ZNF438: variants seen among roughly 807,000 people sequenced by gnomAD.
The protein encoded by ZNF438 is zinc finger protein 438.
Under a neutral mutation model 38.0 loss-of-function variants are expected in ZNF438, and 25 were observed. The ratio of observed to expected loss-of-function variants is 0.66; its 90% CI spans 0.48 to 0.92. The LOEUF is 0.92. ZNF438 is among the 40% of genes least tolerant of loss of function. The probability of loss-of-function intolerance (pLI) is 0.00; values close to 1 mark genes in which losing one functional copy is unlikely to be tolerated. For missense variants in ZNF438, 1,007 were observed against 999.6 expected (o/e 1.01, Z -0.10); for synonymous variants, 372 against 364.1 (o/e 1.02, Z -0.25).
chr10:31,024,545 G>A (rs968743909), intron 1 of ZNF438, among the ~76,000 whole-genome samples: 21 of 152,048 alleles, frequency 1.4e-4, no homozygotes, highest in African/African-American at 3.9e-4. Flanking sequence ...AGAGAATGGC[G>A]TGAACCCGGG....
At chr10:30,860,002 AT>A (rs1029971550) in intron 4 of ZNF438, among the ~76,000 whole-genome samples, 4 of 151,926 alleles carry the variant, frequency 2.6e-5, no homozygotes, top group Non-Finnish European at 5.9e-5. Context: ...CTGGCCCTTC[AT>A]TTTCCCCCCG....
chr10:30,994,564 A>G (rs2053852779), intron 1 of ZNF438, among the ~76,000 whole-genome samples: 1 of 152,212 alleles, frequency 6.6e-6, no homozygotes, highest in Admixed American at 6.5e-5. Context: ...CCCACCAGCA[A>G]GAAGGCCCTC....
rs773705437 is a variant in ZNF438, at chr10:30,909,566, C to A, written c.-114-551G>T. ...TTAACTTTAATTTTCTTTTCCTACT[C>A]ACTTTTTCATCTTTATCCTGAACCT... On this transcript the variant is annotated intron_variant, in intron 2 of 5. Transcript: ENST00000413025. Among the ~76,000 whole-genome samples the A allele has an allele frequency of 2.0e-5, 3 of 152,178 alleles. 1 individual carries two copies. The highest frequency in any genetic ancestry group is 2.9e-5 in the Non-Finnish European group (2 of 68,024).
chr10:30,922,089 G>A (rs1373276193), intron 2 of ZNF438, among the ~76,000 whole-genome samples: 2 of 152,086 alleles, frequency 1.3e-5, no homozygotes, highest in African/African-American at 4.8e-5. Context: ...ATGATAAATT[G>A]AGTGTATTGT....
chr10:31,026,463 T>C (rs1215040866), intron 1 of ZNF438, among the ~76,000 whole-genome samples: 2 of 152,124 alleles, frequency 1.3e-5, no homozygotes, highest in Admixed American at 1.3e-4. Context: ...AAGAAGACAT[T>C]TATGCAGCCA....
At chr10:31,027,736 G>A (rs1286003315) in intron 1 of ZNF438, among the ~76,000 whole-genome samples, 1 of 152,038 alleles carries the variant, frequency 6.6e-6, no homozygotes, top group African/African-American at 2.4e-5. Flanking sequence ...GATTTAAAAC[G>A]TTGTGAACTG....
At chr10:31,004,488 T>C (rs889781372) in intron 1 of ZNF438, among the ~76,000 whole-genome samples, 9 of 152,162 alleles carry the variant, frequency 5.9e-5, no homozygotes, top group African/African-American at 1.7e-4. Context: ...GTCAACTGCA[T>C]GGAAAACTGC....
intron 1 of ZNF438, among the ~76,000 whole-genome samples, chr10:31,002,900 T>C (rs2132858674): frequency 6.6e-6 from 1 of 152,326 alleles, no homozygotes; most frequent in South Asian, 2.1e-4. Flanking sequence ...TAAACATAGA[T>C]GCTAATTTAA....
At chr10:30,845,894 G>A (rs1378375082) in intron 5 of ZNF438, among the ~76,000 whole-genome samples, 1 of 152,336 alleles carries the variant, frequency 6.6e-6, no homozygotes, top group Admixed American at 6.5e-5. Flanking sequence ...AGTCACGTAA[G>A]AGCGCGTGAA....
intron 1 of ZNF438, among the ~76,000 whole-genome samples, chr10:30,963,885 T>A (rs528236315): frequency 1.5e-4 from 22 of 149,992 alleles, no homozygotes; most frequent in South Asian, 1.0e-3. Context: ...AAAAAAAAAA[T>A]TTTTTTTGCC....
chr10:30,949,088 C>A (rs2047822141), intron 1 of ZNF438, among the ~76,000 whole-genome samples: 1 of 152,094 alleles, frequency 6.6e-6, no homozygotes, highest in Non-Finnish European at 1.5e-5. Context: ...AGAGTGGGGG[C>A]CAATATTCAA....
intron 2 of ZNF438, among the ~76,000 whole-genome samples, chr10:30,931,162 T>C (rs1361282596): frequency 1.3e-5 from 2 of 152,172 alleles, no homozygotes; most frequent in Non-Finnish European, 2.9e-5. Flanking sequence ...GTGTGACAGG[T>C]TCTCTTTCTG....
exon 5 of ZNF438, chr10:30,848,827 C>T (rs1366013663): frequency 6.2e-7 from 1 of 1,614,178 alleles, no homozygotes; most frequent in Non-Finnish European, 8.5e-7. Flanking sequence ...TGTGTGTATT[C>T]ATGTGGTCTC....
At chr10:30,930,640 T>TACAC in intron 2 of ZNF438, among the ~76,000 whole-genome samples, 1 of 150,424 alleles carries the variant, frequency 6.6e-6, no homozygotes, top group African/African-American at 2.4e-5. Flanking sequence ...TCTACTAAAA[T>TACAC]ACACACACAC....
chr10:30,961,266 A>ATT (rs751298192), intron 1 of ZNF438, among the ~76,000 whole-genome samples: 1 of 141,764 alleles, frequency 7.1e-6, no homozygotes, highest in African/African-American at 2.5e-5. Flanking sequence ...AAAAAAAAAA[A>ATT]TTTTTTAATT....
chr10:30,845,926 T>C (rs895364563), intron 5 of ZNF438, among the ~76,000 whole-genome samples: 1 of 152,170 alleles, frequency 6.6e-6, no homozygotes, highest in Non-Finnish European at 1.5e-5. Flanking sequence ...CACCCTCGGT[T>C]CTGTTGAAGG....
chr10:30,945,648 C>T (rs946432298), intron 1 of ZNF438, among the ~76,000 whole-genome samples: 1 of 139,654 alleles, frequency 7.2e-6, no homozygotes, highest in African/African-American at 2.7e-5. Context: ...TGAGAATATG[C>T]GGTGTTTGGT....
At chr10:30,921,402 G>A (rs2044283332) in intron 2 of ZNF438, among the ~76,000 whole-genome samples, 1 of 152,170 alleles carries the variant, frequency 6.6e-6, no homozygotes, top group East Asian at 1.9e-4. Context: ...ATAAAAATCT[G>A]TAAGTTACCT....
intron 2 of ZNF438, among the ~76,000 whole-genome samples, chr10:30,936,637 G>A (rs925154134): frequency 1.3e-5 from 2 of 152,160 alleles, no homozygotes; most frequent in East Asian, 3.9e-4. Flanking sequence ...TTGCGCCATC[G>A]CACTCCAGCC....
Sources: allele counts gnomAD v4.1 joint callset (sites outside exome capture counted in the v4.1 genomes callset), GRCh38; gene constraint gnomAD v4.1.1; transcripts MANE v1.5; gene names NCBI Gene and HGNC (gene_info 2026-07-23, HGNC 2026-07-21).